The following KDM4C variants were observed in gnomAD, a reference collection of about 807,000 sequenced individuals.
KDM4C encodes lysine-specific demethylase 4C.
In KDM4C, 81 loss-of-function variants were observed where a neutral mutation model predicts 129.3. The observed-to-expected ratio is 0.63, with a 90% CI of 0.52 to 0.75. The LOEUF is 0.75. Among genes scored for constraint, KDM4C ranks in the 30% least tolerant of loss-of-function variants. The pLI, the probability that KDM4C is intolerant of heterozygous loss-of-function variation, is 0.00. For missense variants in KDM4C, 1,457 were observed against 1,304.0 expected, an observed-to-expected ratio of 1.12 and a Z score of -1.81; for synonymous variants, 573 against 456.1, an observed-to-expected ratio of 1.26 and a Z score of -3.26.
At chr9:7,136,697 G>A (rs1841242621) in intron 19 of KDM4C, among the ~76,000 whole-genome samples, 1 of 152,030 alleles carries the variant, frequency 6.6e-6, no homozygotes. Flanking sequence ...TTGAGTTGTG[G>A]GAATTTTTTA....
rs544536685 is a variant in KDM4C, at chr9:6,899,703, G to T, written c.921+6471G>T. 2.0e-5 allele frequency among the ~76,000 whole-genome samples: 3 copies of T among 152,250 alleles called. No individual in the cohort carries two copies. In the East Asian group the frequency reaches 5.8e-4, roughly 29 times the overall value. On this transcript the variant is annotated intron_variant, in intron 8 of 21. Coordinates refer to ENST00000381309, the MANE Select transcript of KDM4C (RefSeq NM_015061.6). ...ATACTGAAAAAATATTGAGTTGTGG[G>T]ATTCAGGATATCTGAAACTTCAAGA...
In KDM4C at chr9:7,041,194, C is replaced by T. The variant is rs772682774; in HGVS notation, c.2260-5668C>T. ...TGTGTCTGTACTCAACATGTACAGACTTTTTTTCCTTGTCATTATTCCCTA... is the reference window on the plus strand; with the variant it reads ...TGTGTCTGTACTCAACATGTACAGATTTTTTTTCCTTGTCATTATTCCCTA... On this transcript the variant is annotated intron_variant, in intron 15 of 21. Transcript: ENST00000381309. Among the ~76,000 whole-genome samples, 50 of 152,014 alleles carry T rather than the reference C, an allele frequency of 3.3e-4. 1 individual carries two copies. The Middle Eastern group carries it at 0.01, about 31-fold the overall frequency.
intron 8 of KDM4C, among the ~76,000 whole-genome samples, chr9:6,961,839 A>G (rs770955253): frequency 2.6e-5 from 4 of 152,214 alleles, no homozygotes; most frequent in Non-Finnish European, 4.4e-5. Context: ...AGAAATTGCC[A>G]TCATTTTAAA....
At chr9:6,868,217 G>A (rs200170013) in intron 5 of KDM4C, among the ~76,000 whole-genome samples, 1 of 151,338 alleles carries the variant, frequency 6.6e-6, no homozygotes, top group African/African-American at 2.4e-5. Flanking sequence ...TCTCCCTTAC[G>A]CCACTGGTGG....
intron 17 of KDM4C, among the ~76,000 whole-genome samples, chr9:7,078,200 A>G (rs898923454): frequency 5.3e-5 from 8 of 152,188 alleles, no homozygotes; most frequent in African/African-American, 1.9e-4. Flanking sequence ...TAATTTATAC[A>G]TGCTGTGGTG....
intron 4 of KDM4C, among the ~76,000 whole-genome samples, chr9:6,823,565 A>T (rs1445318236): frequency 2.0e-5 from 3 of 152,096 alleles, no homozygotes; most frequent in Non-Finnish European, 2.9e-5. Context: ...ACCATTTTGC[A>T]CTTGCTTTGA....
chr9:7,113,596 C>T (rs1219490782), intron 18 of KDM4C, among the ~76,000 whole-genome samples: 2 of 152,186 alleles, frequency 1.3e-5, no homozygotes, highest in African/African-American at 2.4e-5. Flanking sequence ...AGAGCCACTG[C>T]AAACTCCCAT....
intron 18 of KDM4C, among the ~76,000 whole-genome samples, chr9:7,106,068 T>C (rs1301933863): frequency 6.6e-6 from 1 of 152,216 alleles, no homozygotes; most frequent in Admixed American, 6.5e-5. Flanking sequence ...CTGTTAGCAC[T>C]GTATTTCCCA....
chr9:6,733,359 C>G (rs1024553598), intron 1 of KDM4C, among the ~76,000 whole-genome samples: 2 of 152,188 alleles, frequency 1.3e-5, no homozygotes, highest in South Asian at 4.1e-4. Context: ...CTCATTGGCT[C>G]TTTGTTTCTG....
intron 1 of KDM4C, among the ~76,000 whole-genome samples, chr9:6,769,125 G>T (rs1821243830): frequency 6.6e-6 from 1 of 151,984 alleles, no homozygotes; most frequent in Admixed American, 6.6e-5. Context: ...CTTAAGTGAA[G>T]CTGGTTTGCA....
At chr9:6,966,836 A>G (rs114341091) in intron 8 of KDM4C, among the ~76,000 whole-genome samples, 35 of 152,346 alleles carry the variant, frequency 2.3e-4, no homozygotes, top group African/African-American at 7.5e-4. Flanking sequence ...ATAGGAAGCT[A>G]TTAGATGAAA....
intron 5 of KDM4C, among the ~76,000 whole-genome samples, chr9:6,852,849 G>A (rs894520707): frequency 6.6e-6 from 1 of 151,946 alleles, no homozygotes; most frequent in African/African-American, 2.4e-5. Flanking sequence ...TTTCACTTAG[G>A]GTTTGCTTAA....
chr9:7,077,151 A>T (rs1454597760), intron 17 of KDM4C: 1 of 985,306 alleles, frequency 1.0e-6, no homozygotes, highest in African/African-American at 1.7e-5. Flanking sequence ...AGATGTTGAG[A>T]ACGGACCTGT....
chr9:6,866,271 C>T (rs950992045), intron 5 of KDM4C, among the ~76,000 whole-genome samples: 8 of 151,658 alleles, frequency 5.3e-5, no homozygotes, highest in Non-Finnish European at 7.4e-5. Flanking sequence ...TATTCTTGAC[C>T]CTTCTTTCTT....
chr9:6,752,109 G>A (rs1444362465), intron 1 of KDM4C, among the ~76,000 whole-genome samples: 3 of 151,342 alleles, frequency 2.0e-5, no homozygotes, highest in Admixed American at 2.0e-4. Flanking sequence ...CGAGACGGGC[G>A]GATCACGAGG....
At chr9:7,135,192 C>A (rs772421578) in intron 19 of KDM4C, among the ~76,000 whole-genome samples, 1 of 152,188 alleles carries the variant, frequency 6.6e-6, no homozygotes, top group Non-Finnish European at 1.5e-5. Context: ...TGTCGTTGCC[C>A]TGATGTCCCA....
intron 3 of KDM4C, among the ~76,000 whole-genome samples, chr9:6,812,216 G>C (rs1017606632): frequency 6.7e-6 from 1 of 149,256 alleles, no homozygotes; most frequent in Non-Finnish European, 1.5e-5. Context: ...CAGCCTGGGT[G>C]ACAGAACAAG....
intron 7 of KDM4C, among the ~76,000 whole-genome samples, chr9:6,891,514 G>A (rs1397406297): frequency 6.6e-6 from 1 of 152,094 alleles, no homozygotes; most frequent in African/African-American, 2.4e-5. Flanking sequence ...GATGAATGAG[G>A]GGCTTGGGGA....
intron 12 of KDM4C, among the ~76,000 whole-genome samples, chr9:7,009,131 A>T (rs915024291): frequency 1.3e-5 from 2 of 152,260 alleles, no homozygotes; most frequent in African/African-American, 4.8e-5. Flanking sequence ...ATACAGATAG[A>T]CAACTAAATG....
Sources: allele counts gnomAD v4.1 joint callset (sites outside exome capture counted in the v4.1 genomes callset), GRCh38; gene constraint gnomAD v4.1.1; transcripts MANE v1.5; gene names NCBI Gene and HGNC (gene_info 2026-07-23, HGNC 2026-07-21).